CHRDL2: variants seen among roughly 807,000 people sequenced by gnomAD.
CHRDL2 encodes chordin-like protein 2.
CHRDL2 carries 41 observed loss-of-function variants against 54.3 expected under a neutral mutation model. That is an observed-to-expected ratio of 0.76 (90% CI 0.59 to 0.98). The LOEUF (loss-of-function observed/expected upper bound fraction) is 0.98, where lower values mean the gene tolerates loss of function less well. Among genes scored for constraint, CHRDL2 ranks in the 50% least tolerant of loss-of-function variants. The pLI is 0.00. For missense variants in CHRDL2, 518 were observed against 562.4 expected, an observed-to-expected ratio of 0.92 and a Z score of 0.80; for synonymous variants, 220 against 224.3, an observed-to-expected ratio of 0.98 and a Z score of 0.17.
At chr11:74,715,485 C>T (rs1052578757) in intron 2 of CHRDL2, among the ~76,000 whole-genome samples, 7 of 151,718 alleles carry the variant, frequency 4.6e-5, no homozygotes, top group African/African-American at 1.7e-4. Flanking sequence ...TGCCTGTAAT[C>T]CCAGCTACTT....
intron 1 of CHRDL2, among the ~76,000 whole-genome samples, chr11:74,719,701 C>A (rs1045287532): frequency 3.9e-5 from 6 of 152,238 alleles, no homozygotes; most frequent in African/African-American, 1.4e-4. Context: ...TGCAATCGCA[C>A]ATCAGTTGTC....
At chr11:74,728,159 T>C (rs1041243744) in intron 1 of CHRDL2, among the ~76,000 whole-genome samples, 1 of 152,204 alleles carries the variant, frequency 6.6e-6, no homozygotes, top group Non-Finnish European at 1.5e-5. Context: ...TACTTTTTGT[T>C]TGAATAGCCT....
chr11:74,708,299 C>G lies in CHRDL2; in HGVS notation c.526+3G>C, dbSNP rs1440595717. On this transcript the variant is annotated splice_donor_region_variant and intron_variant, in intron 5 of 10. Coordinates refer to ENST00000376332, the MANE Select transcript of CHRDL2 (RefSeq NM_001278473.3). ...GTGCTGCCAGATGGAGGGACAGACTCACCTTTGCAGGCCTGGCAGCAGGAG... is the reference window on the plus strand; with the variant it reads ...GTGCTGCCAGATGGAGGGACAGACTGACCTTTGCAGGCCTGGCAGCAGGAG... 1.3e-6 allele frequency: 2 copies of G among 1,569,540 alleles called. No individual in the cohort carries two copies. The highest frequency in any genetic ancestry group is 1.7e-6 in the Non-Finnish European group (2 of 1,162,018).
chr11:74,698,052 T>C, intron 9 of CHRDL2, among the ~76,000 whole-genome samples: 1 of 139,496 alleles, frequency 7.2e-6, no homozygotes, highest in East Asian at 2.2e-4. Flanking sequence ...TTGCCTTCTA[T>C]TTCTACTTTT....
chr11:74,697,533 CCTAACCCCTTTCACTCCCCCT>C, intron 9 of CHRDL2: 2 of 576,728 alleles, frequency 3.5e-6, no homozygotes, highest in South Asian at 3.7e-5. Flanking sequence ...ACACTAGAGT[CCTAACCCCTTTCACTCCCCCT>C]CTAATCTGCA....
intron 1 of CHRDL2, chr11:74,720,397 C>T (rs1051222566): frequency 6.5e-6 from 1 of 154,026 alleles, no homozygotes; most frequent in African/African-American, 2.4e-5. Context: ...TAAAGTCCTC[C>T]GCTAGGATTT....
intron 1 of CHRDL2, among the ~76,000 whole-genome samples, chr11:74,729,543 C>T (rs999272638): frequency 6.6e-6 from 1 of 152,218 alleles, no homozygotes; most frequent in African/African-American, 2.4e-5. Context: ...TTATGTGAGT[C>T]TCATGCTGCT....
chr11:74,713,928 G>A (rs1035517641), intron 2 of CHRDL2, among the ~76,000 whole-genome samples: 4 of 152,192 alleles, frequency 2.6e-5, no homozygotes, highest in East Asian at 1.9e-4. Flanking sequence ...TGGAGAAGAC[G>A]GATGGCTTTA....
intron 7 of CHRDL2, among the ~76,000 whole-genome samples, chr11:74,704,193 C>T (rs377095600): frequency 7.2e-5 from 11 of 152,202 alleles, no homozygotes; most frequent in African/African-American, 2.2e-4. Flanking sequence ...TGCCCCTCTT[C>T]CCAGCAAAGA....
intron 4 of CHRDL2, among the ~76,000 whole-genome samples, chr11:74,710,569 C>T (rs1750871305): frequency 1.3e-5 from 2 of 152,302 alleles, no homozygotes; most frequent in South Asian, 4.1e-4. Context: ...GGACTGACAG[C>T]AGAGGATAAA....
rs1201064332 is a variant in CHRDL2 at position 74,713,486 on chromosome 11, G to A, written c.196-7C>T. 6.2e-7 allele frequency: 1 copy of A among 1,612,054 alleles called. No individual in the cohort carries two copies. Among genetic ancestry groups the A allele is most frequent in the African/African-American group, 1.3e-5 (1 of 74,858 alleles). On this transcript the variant is annotated splice_polypyrimidine_tract_variant and splice_region_variant and intron_variant, in intron 2 of 10. Coordinates refer to ENST00000376332, the MANE Select transcript of CHRDL2 (RefSeq NM_001278473.3). ...AACAACTCACATGGGCGCCCTGAAG[G>A]GGACACAAGGGTCAGCCCTGGTTCA...
At chr11:74,697,397 C>A in intron 9 of CHRDL2, 100 bp from the exon 10 acceptor site, 1 of 767,258 alleles carries the variant, frequency 1.3e-6, no homozygotes, top group Non-Finnish European at 2.3e-6. Flanking sequence ...CAATCACTCC[C>A]TCCCCCACCC....
chr11:74,725,883 T>C (rs1349365624), intron 1 of CHRDL2, among the ~76,000 whole-genome samples: 1 of 152,172 alleles, frequency 6.6e-6, no homozygotes, highest in East Asian at 1.9e-4. Context: ...CACACAGCCA[T>C]ACTTTCTCTA....
At chr11:74,697,389 A>C in intron 9 of CHRDL2, 92 bp from the exon 10 acceptor site, 1 of 833,344 alleles carries the variant, frequency 1.2e-6, no homozygotes, top group Non-Finnish European at 2.0e-6. Context: ...AACGGACCCA[A>C]TCACTCCCTC....
intron 4 of CHRDL2, among the ~76,000 whole-genome samples, chr11:74,709,998 C>G (rs995223941): frequency 6.6e-6 from 1 of 152,094 alleles, no homozygotes; most frequent in Non-Finnish European, 1.5e-5. Context: ...GGGCAGATCA[C>G]GAGGTCAGGA....
chr11:74,708,406 G>C lies in CHRDL2; in HGVS notation c.433-11C>G. On this transcript the variant is annotated splice_polypyrimidine_tract_variant and intron_variant, in intron 4 of 10. Transcript: ENST00000376332. ...GTAGATCTGGCCCTCCTGACAGATAGAGCAAACCAGCTGGGAAATGAGCTC... is the reference window on the plus strand; with the variant it reads ...GTAGATCTGGCCCTCCTGACAGATACAGCAAACCAGCTGGGAAATGAGCTC... 6.4e-7 allele frequency: 1 copy of C among 1,553,378 alleles called. No homozygotes were observed. The highest frequency in any genetic ancestry group is 8.7e-7 in the Non-Finnish European group (1 of 1,151,838).
intron 6 of CHRDL2, among the ~76,000 whole-genome samples, chr11:74,705,615 C>T (rs61900658): frequency 6.6e-6 from 1 of 152,234 alleles, no homozygotes; most frequent in Non-Finnish European, 1.5e-5. Flanking sequence ...AGTCACCCAG[C>T]CCGTCAGTAA....
intron 1 of CHRDL2, chr11:74,719,405 CA>C: frequency 6.7e-6 from 1 of 148,328 alleles, no homozygotes; most frequent in African/African-American, 2.5e-5. Flanking sequence ...CACACACACA[CA>C]CACACACACA....
Position 74,702,878 on chromosome 11 carries a change from G to C in CHRDL2, c.1036C>G (p.Pro346Ala). 1 of 1,614,174 alleles carries C rather than the reference G, an allele frequency of 6.2e-7. No homozygotes were observed. The change falls in exon 9 of 11, where the codon CCA (proline) becomes GCA (alanine). Residue 346 changes from proline (P) to alanine (A), a missense_variant. Transcript: ENST00000376332. ...AAGCGACGCAGGTTGTCTGGGCTTG[G>C]GGATACCGATGTGTGGACGAGGACC... The part of the protein sequence containing the change: ...GRVLVHTSVS[P>A]SPDNLRRFAL...
Sources: allele counts gnomAD v4.1 joint callset (sites outside exome capture counted in the v4.1 genomes callset), GRCh38; gene constraint gnomAD v4.1.1; transcripts MANE v1.5; gene names NCBI Gene and HGNC (gene_info 2026-07-23, HGNC 2026-07-21).